The following SPTBN2 variants were observed in gnomAD, a reference collection of about 807,000 sequenced individuals.
SPTBN2 encodes spectrin beta chain, non-erythrocytic 2.
Under a neutral mutation model 284.2 loss-of-function variants are expected in SPTBN2, and 107 were observed. The ratio of observed to expected loss-of-function variants is 0.38; its 90% CI spans 0.32 to 0.44. The LOEUF (loss-of-function observed/expected upper bound fraction) is 0.44, where lower values mean the gene tolerates loss of function less well. Among genes scored for constraint, SPTBN2 ranks in the 20% least tolerant of loss-of-function variants. The probability of loss-of-function intolerance (pLI) is 1.00; values close to 1 mark genes in which losing one functional copy is unlikely to be tolerated. For missense variants in SPTBN2, 2,569 were observed against 3,287.1 expected, an observed-to-expected ratio of 0.78 and a Z score of 5.34; for synonymous variants, 1,289 against 1,354.8, an observed-to-expected ratio of 0.95 and a Z score of 1.07.
In SPTBN2 at chr11:66,685,964, G is replaced by A. The variant is rs368166748; in HGVS notation, c.7080C>T (p.Pro2360=). The part of the protein sequence containing the change: ...TRAMTMPPVS[P]VGAEGPVVLR... ...GCACAACAGGCCCCTCAGCCCCGAC[G>A]GGTGACACTGGGGGCATGGTCATGG... The change falls in exon 38 of 38, where the codon CCC becomes CCT. Residue 2360 remains proline (P), a synonymous_variant. Transcript: ENST00000533211. This position sits in a 1 kb window ranked among gnomAD's most constrained non-coding sequence, Gnocchi z 4.4. 5 of 1,613,706 alleles carry A rather than the reference G, an allele frequency of 3.1e-6. No homozygotes were observed. Among genetic ancestry groups the A allele is most frequent in the East Asian group, 2.2e-5 (1 of 44,888 alleles).
intron 26 of SPTBN2, among the ~76,000 whole-genome samples, chr11:66,692,220 AC>A (rs1463740632): frequency 2.0e-5 from 3 of 152,032 alleles, no homozygotes; most frequent in African/African-American, 7.2e-5. Flanking sequence ...ACAGGCATGC[AC>A]GGCTGTGCCT....
intron 1 of SPTBN2, among the ~76,000 whole-genome samples, chr11:66,742,429 T>A (rs1942902085): frequency 6.6e-6 from 1 of 152,064 alleles, no homozygotes; most frequent in African/African-American, 2.4e-5. Flanking sequence ...CTCCACTGCC[T>A]CTAGGGTGGT....
At position 66,689,886 on chromosome 11, in the gene SPTBN2, T is replaced by C; in HGVS notation, c.5868A>G (p.Ile1956Met). Residue 1956 changes from isoleucine (I) to methionine (M), a missense_variant, in exon 29 of 38, where the codon ATA becomes ATG. Physicochemically the swap from Ile to Met is conservative, Grantham distance 10. Around this residue, in one of 6 missense-constraint regions of SPTBN2, gnomAD observed 1,130 missense variants for 1,317.3 expected, o/e 0.86. Coordinates refer to ENST00000533211, the MANE Select transcript of SPTBN2 (RefSeq NM_006946.4). ...AGGAGAAGCGGTCTGCCCGGGCCTC[T>C]ATCTCTGCCTTGATGCCTTGCTGGT... is the stretch of plus-strand genomic sequence containing the variant. ...IKNQQGIKAE[I>M]EARADRFSSC... 6.2e-7 allele frequency: 1 copy of C among 1,614,200 alleles called. No individual in the cohort carries two copies. Among genetic ancestry groups the C allele is most frequent in the Non-Finnish European group, 8.5e-7 (1 of 1,180,040 alleles).
chr11:66,729,551 G>A (rs966679342), upstream of SPTBN2, among the ~76,000 whole-genome samples: 1 of 152,096 alleles, frequency 6.6e-6, no homozygotes, highest in Non-Finnish European at 1.5e-5. Flanking sequence ...TTTCTGAAAA[G>A]GTATGCATAC....
chr11:66,703,972 C>CTTTTTTTT (rs11286358), intron 15 of SPTBN2, among the ~76,000 whole-genome samples: 40 of 109,756 alleles, frequency 3.6e-4, no homozygotes, highest in African/African-American at 1.2e-3. Flanking sequence ...TATTTCTTTT[C>CTTTTTTTT]TTTTTTTTTT....
At chr11:66,702,487 C>G (rs1941300969) in intron 15 of SPTBN2, among the ~76,000 whole-genome samples, 1 of 151,848 alleles carries the variant, frequency 6.6e-6, no homozygotes, top group Non-Finnish European at 1.5e-5. Flanking sequence ...TCTAATAGGG[C>G]AGGGTCTGCA....
chr11:66,694,485 A>T, intron 21 of SPTBN2, 122 bp from the exon 22 acceptor site: 1 of 973,336 alleles, frequency 1.0e-6, no homozygotes, highest in Non-Finnish European at 1.5e-6. Flanking sequence ...TCACCCAGGG[A>T]GAGCATCCCC....
At chr11:66,720,443 C>T (rs927305656) in intron 3 of SPTBN2, among the ~76,000 whole-genome samples, 15 of 152,204 alleles carry the variant, frequency 9.9e-5, no homozygotes, top group Admixed American at 9.2e-4. Context: ...CCCCGGAAGA[C>T]AGGGAGGCCG....
Position 66,708,797 on chromosome 11 carries a change from G to T in SPTBN2, c.1191+105C>A. On this transcript the variant is annotated intron_variant, in intron 11 of 37. Transcript: ENST00000533211. The surrounding 1 kb of genome is among the most constrained non-coding windows in gnomAD (Gnocchi z 4.4). ...GAGTTTCAAGTTGGGGCAGCAGATA[G>T]TAGAACTTGGTGAAGGTCGACATGG... is the stretch of plus-strand genomic sequence containing the variant. 1 of 913,876 alleles carries T rather than the reference G, an allele frequency of 1.1e-6. No individual in the cohort carries two copies. The allele number at this position is 913,876 out of a possible 1,614,324, so 56.6% of individuals were successfully genotyped here. A position where few individuals can be genotyped will look rare whatever the true frequency, so the allele number is the denominator to read the frequency against.
intron 13 of SPTBN2, among the ~76,000 whole-genome samples, chr11:66,706,678 G>A (rs1197631398): frequency 2.0e-5 from 3 of 148,700 alleles, no homozygotes; most frequent in Non-Finnish European, 4.4e-5. Flanking sequence ...CACCTAGGCT[G>A]GAGTGCAGTG....
Position 66,734,904 on chromosome 11 carries a change from A to AAGC in SPTBN2, c.-474-5715_-474-5713dup, listed in dbSNP as rs547474699. Reference sequence around the variant, plus strand: ...TATCCCTAATCTATCTCCATCACTTAAGCAGCAGCAGCAGCAGCAGCAACG... The same window carrying AAGC: ...TATCCCTAATCTATCTCCATCACTTAAGCAGCAGCAGCAGCAGCAGCAGCAACG... On this transcript the variant is annotated intron_variant, in intron 1 of 37. Coordinates refer to the SPTBN2 transcript ENST00000611817. 7.2e-4 allele frequency among the ~76,000 whole-genome samples: 109 copies of AAGC among 152,286 alleles called. 1 individual carries two copies. The highest frequency in any genetic ancestry group is 2.1e-3 in the South Asian group (10 of 4,814).
chr11:66,716,127 G>A, intron 3 of SPTBN2, 146 bp from the exon 4 acceptor site: 1 of 1,069,754 alleles, frequency 9.3e-7, no homozygotes, highest in Admixed American at 2.0e-5. Context: ...AAGATGACCG[G>A]GAGGAAAGCC....
chr11:66,689,713 A>G lies in SPTBN2; in HGVS notation c.5949+92T>C, dbSNP rs1940403480. On this transcript the variant is annotated intron_variant, in intron 29 of 37. Transcript: ENST00000533211. ...GGGGAGAGAATGAAAGGTTTCTTGCAAAGAGAGAATGAGAGGAAGCAGAAA... is the reference window on the plus strand; with the variant it reads ...GGGGAGAGAATGAAAGGTTTCTTGCGAAGAGAGAATGAGAGGAAGCAGAAA... 6 of 1,580,482 alleles carry G rather than the reference A, an allele frequency of 3.8e-6. 1 individual carries two copies. The highest frequency in any genetic ancestry group is 4.5e-4 in the Middle Eastern group (2 of 4,464).
rs764865864 is a variant in SPTBN2, at chr11:66,694,151, C to T, written c.4491G>A (p.Val1497=). 1.2e-6 allele frequency: 2 copies of T among 1,607,480 alleles called. No individual in the cohort carries two copies. Among genetic ancestry groups the T allele is most frequent in the Middle Eastern group, 1.7e-4 (1 of 5,912 alleles). ...SREQHQFHRD[V]EDEILWVTER... ...CCCAGTGACTCACAATCTCATCTTCCACATCGCGGTGGAACTGGTGCTGCT... is the reference window on the plus strand; with the variant it reads ...CCCAGTGACTCACAATCTCATCTTCTACATCGCGGTGGAACTGGTGCTGCT... The change falls in exon 22 of 38, where the codon GTG becomes GTA. Residue 1497 remains valine (V), a synonymous_variant. Coordinates refer to ENST00000533211, the MANE Select transcript of SPTBN2 (RefSeq NM_006946.4).
chr11:66,714,281 G>A, intron 6 of SPTBN2, 35 bp downstream of exon 6: 2 of 1,610,744 alleles, frequency 1.2e-6, no homozygotes, highest in South Asian at 1.1e-5. Flanking sequence ...GGGGGTCACT[G>A]ACCCTCCAGT....
chr11:66,694,126 C>T lies in SPTBN2; in HGVS notation c.4503+13G>A, dbSNP rs776343401. On this transcript the variant is annotated intron_variant, in intron 22 of 37. Transcript: ENST00000533211. ...CTGGGGGCAGCTTGCCGTCCTTGGC[C>T]CCAGTGACTCACAATCTCATCTTCC... 6.2e-7 allele frequency: 1 copy of T among 1,603,058 alleles called. No homozygotes were observed.
chr11:66,693,413 G>A lies in SPTBN2; in HGVS notation c.4627C>T (p.Arg1543Trp), dbSNP rs779489841. The change falls in exon 24 of 38, where the codon CGG (arginine) becomes TGG (tryptophan). Residue 1543 changes from arginine to tryptophan, a missense_variant. By Grantham distance (101) the Arg-to-Trp change is moderately radical. This residue lies in a region of SPTBN2 where 1,130 missense variants were observed against 1,317.3 expected (regional missense o/e 0.86). Transcript: ENST00000533211. The surrounding 1 kb of genome is among the most constrained non-coding windows in gnomAD (Gnocchi z 5.7). ...LQKEIQGHEP[R>W]IADLRERQRA... ...TGCCGCTCCCTCAGGTCCGCGATCC[G>A]GGGCTCATGGCCCTGAATCTCTTTC... The A allele has an allele frequency of 5.0e-6, 8 of 1,599,956 alleles. No homozygotes were observed. Among genetic ancestry groups the A allele is most frequent in the Non-Finnish European group, 5.9e-6 (7 of 1,179,816 alleles).
At chr11:66,724,645 T>C (rs1942547795) in intron 1 of SPTBN2, among the ~76,000 whole-genome samples, 3 of 152,140 alleles carry the variant, frequency 2.0e-5, no homozygotes, top group Admixed American at 6.5e-5. Context: ...AACCTAAACA[T>C]GGACTGCTTA....
At chr11:66,701,465 G>T in intron 16 of SPTBN2, 119 bp downstream of exon 16, 2 of 1,568,212 alleles carry the variant, frequency 1.3e-6, no homozygotes, top group Non-Finnish European at 8.8e-7. Context: ...ACATATTCCA[G>T]ACTGGTTTGC....
Sources: allele counts gnomAD v4.1 joint callset (sites outside exome capture counted in the v4.1 genomes callset), GRCh38; gene constraint gnomAD v4.1.1; regional missense constraint gnomAD v4.1.1; non-coding constraint Gnocchi (gnomAD v3.1); transcripts MANE v1.5; gene names NCBI Gene and HGNC (gene_info 2026-07-23, HGNC 2026-07-21).